DDAH1: variants seen among roughly 807,000 people sequenced by gnomAD.
DDAH1 encodes N(G),N(G)-dimethylarginine dimethylaminohydrolase 1.
A neutral mutation model predicts 28.8 loss-of-function variants in DDAH1; 19 were observed. The observed-to-expected ratio is 0.66, with a 90% CI of 0.46 to 0.97. DDAH1 has a LOEUF of 0.97. Ranked by LOEUF, DDAH1 falls within the 50% of genes least tolerant of loss-of-function variation. The probability of loss-of-function intolerance (pLI) is 0.00; values close to 1 mark genes in which losing one functional copy is unlikely to be tolerated. For synonymous variants in DDAH1, 153 were observed against 154.4 expected, an observed-to-expected ratio of 0.99 and a Z score of 0.07; for missense variants, 326 against 375.9, an observed-to-expected ratio of 0.87 and a Z score of 1.10.
At chr1:85,433,888 A>T (rs1428298858) in intron 1 of DDAH1, among the ~76,000 whole-genome samples, 1 of 152,306 alleles carries the variant, frequency 6.6e-6, no homozygotes, top group African/African-American at 2.4e-5. Context: ...AATGTTCTTG[A>T]TATTTGATTT....
chr1:85,396,819 G>C (rs1651834026), intron 1 of DDAH1, among the ~76,000 whole-genome samples: 1 of 152,068 alleles, frequency 6.6e-6, no homozygotes, highest in Non-Finnish European at 1.5e-5. Flanking sequence ...CAGATTGCTT[G>C]AGTCCGGGAG....
At chr1:85,559,806 G>A (rs1338842178) in intron 1 of DDAH1, among the ~76,000 whole-genome samples, 3 of 147,662 alleles carry the variant, frequency 2.0e-5, no homozygotes, top group African/African-American at 5.0e-5. Flanking sequence ...GAAAAAGACT[G>A]AAAAAAAAAA....
intron 1 of DDAH1, among the ~76,000 whole-genome samples, chr1:85,422,640 T>C (rs527354331): frequency 9.9e-5 from 15 of 152,268 alleles, no homozygotes; most frequent in Non-Finnish European, 1.9e-4. Flanking sequence ...CCAGCAACAA[T>C]TGTTGAAAAG....
At position 85,465,138 on chromosome 1, in the gene DDAH1, C is replaced by G; in HGVS notation, c.-93G>C. The G allele has an allele frequency of 1.7e-6, 2 of 1,165,882 alleles. No homozygotes were observed. The highest frequency in any genetic ancestry group is 2.1e-6 in the Non-Finnish European group (2 of 946,418). 72.2% of individuals were successfully genotyped at this position (1,165,882 alleles called of 1,614,324 possible). A position where few individuals can be genotyped will look rare whatever the true frequency, so the allele number is the denominator to read the frequency against. On this transcript the variant is annotated 5_prime_UTR_variant, in exon 1 of 6. Transcript: ENST00000284031. ...CTGAGCCTGCGAGCGCCCGTCGGCT[C>G]CTCTTGGCAGCCGCTGAATGTGGTG... is the stretch of plus-strand genomic sequence containing the variant.
intron 1 of DDAH1, among the ~76,000 whole-genome samples, chr1:85,436,706 G>A (rs942983697): frequency 2.0e-5 from 3 of 152,182 alleles, no homozygotes; most frequent in Non-Finnish European, 4.4e-5. Flanking sequence ...GAGAAGAGGT[G>A]TGAAGTGGGA....
At chr1:85,356,843 C>G (rs150728552) in intron 2 of DDAH1, among the ~76,000 whole-genome samples, 8 of 152,306 alleles carry the variant, frequency 5.3e-5, no homozygotes, top group African/African-American at 1.9e-4. Context: ...AAAGAAGAGA[C>G]TCCTAGTGTA....
At chr1:85,461,744 C>T (rs1198002557) in intron 1 of DDAH1, among the ~76,000 whole-genome samples, 2 of 152,146 alleles carry the variant, frequency 1.3e-5, no homozygotes, top group African/African-American at 2.4e-5. Flanking sequence ...ATGATCCTAG[C>T]CCTGACAGGT....
intron 1 of DDAH1, among the ~76,000 whole-genome samples, chr1:85,503,115 T>G (rs754794576): frequency 6.6e-6 from 1 of 152,204 alleles, no homozygotes; most frequent in Non-Finnish European, 1.5e-5. Context: ...ACCAAATTAA[T>G]AATTTAAAAA....
intron 4 of DDAH1, among the ~76,000 whole-genome samples, chr1:85,333,548 TAGAAG>T (rs1207868775): frequency 2.0e-5 from 3 of 151,712 alleles, no homozygotes; most frequent in South Asian, 2.1e-4. Flanking sequence ...TTCCATGATA[TAGAAG>T]AGAACACAGA....
At chr1:85,444,510 C>T (rs1035290082) in intron 1 of DDAH1, among the ~76,000 whole-genome samples, 1 of 152,114 alleles carries the variant, frequency 6.6e-6, no homozygotes, top group African/African-American at 2.4e-5. Flanking sequence ...GGCAAAGCCA[C>T]ATACTCTTAA....
chr1:85,570,363 G>GACACACAC (rs1557770693), intron 1 of DDAH1, among the ~76,000 whole-genome samples: 789 of 46,534 alleles, frequency 0.017, 7 homozygotes, highest in African/African-American at 0.051. Context: ...CACACACACT[G>GACACACAC]TCACACACAC....
intron 4 of DDAH1, among the ~76,000 whole-genome samples, chr1:85,346,512 A>G (rs1648857423): frequency 6.6e-6 from 1 of 152,160 alleles, no homozygotes; most frequent in Non-Finnish European, 1.5e-5. Flanking sequence ...TTCAGTATGG[A>G]GTAGGTTGGG....
intron 1 of DDAH1, among the ~76,000 whole-genome samples, chr1:85,424,011 T>C (rs1355691902): frequency 6.6e-6 from 1 of 152,184 alleles, no homozygotes; most frequent in East Asian, 1.9e-4. Context: ...GTTGATGTGG[T>C]GGATTACACT....
At chr1:85,539,399 G>C (rs116818037) in intron 1 of DDAH1, among the ~76,000 whole-genome samples, 10 of 152,150 alleles carry the variant, frequency 6.6e-5, no homozygotes, top group South Asian at 4.1e-4. Flanking sequence ...CGCCTTTCTC[G>C]GCCTCCCAAA....
rs181641967 is a variant in DDAH1 at position 85,406,885 on chromosome 1, A to G, written c.304-48038T>C. Reference sequence around the variant, plus strand: ...TATTAAAGCTTTAAAATAAAATGCTATATTACAAGGGTCTTTATGACTCAA... The same window carrying G: ...TATTAAAGCTTTAAAATAAAATGCTGTATTACAAGGGTCTTTATGACTCAA... On this transcript the variant is annotated intron_variant, in intron 1 of 5. Transcript: ENST00000284031. Among the ~76,000 whole-genome samples the G allele has an allele frequency of 9.7e-4, 148 of 152,256 alleles. 1 individual carries two copies. The highest frequency in any genetic ancestry group is 3.4e-3 in the Middle Eastern group (1 of 294).
At chr1:85,498,257 G>A (rs1350838979) in intron 1 of DDAH1, among the ~76,000 whole-genome samples, 1 of 151,986 alleles carries the variant, frequency 6.6e-6, no homozygotes, top group Non-Finnish European at 1.5e-5. Flanking sequence ...CAGCAGGTAG[G>A]GCCTGTAAAG....
At chr1:85,436,768 C>A (rs1443628761) in intron 1 of DDAH1, among the ~76,000 whole-genome samples, 7 of 151,990 alleles carry the variant, frequency 4.6e-5, no homozygotes, top group African/African-American at 1.2e-4. Context: ...GAAGGGAGGC[C>A]CTGAAGGGAG....
At chr1:85,467,915 A>C (rs4949906), upstream of DDAH1, among the ~76,000 whole-genome samples, 16,163 of 152,264 alleles carry the variant, frequency 0.11, 961 homozygotes, top group African/African-American at 0.15. Flanking sequence ...GGGTAAGTGC[A>C]CATGAGAGGT....
chr1:85,473,904 C>T (rs1655708141), intron 2 of DDAH1, among the ~76,000 whole-genome samples: 1 of 152,200 alleles, frequency 6.6e-6, no homozygotes, highest in Non-Finnish European at 1.5e-5. Flanking sequence ...GCCAACATGG[C>T]TCAAACTTTC....
Sources: allele counts gnomAD v4.1 joint callset (sites outside exome capture counted in the v4.1 genomes callset), GRCh38; gene constraint gnomAD v4.1.1; transcripts MANE v1.5; gene names NCBI Gene and HGNC (gene_info 2026-07-23, HGNC 2026-07-21).